The following HFM1 variants were observed in gnomAD, a reference collection of about 807,000 sequenced individuals.
HFM1 encodes the protein probable ATP-dependent DNA helicase HFM1.
Under a neutral mutation model 192.1 loss-of-function variants are expected in HFM1, and 169 were observed. The ratio of observed to expected loss-of-function variants is 0.88; its 90% CI spans 0.78 to 1.00. The LOEUF (loss-of-function observed/expected upper bound fraction) is 1.00, where lower values mean the gene tolerates loss of function less well. Ranked by LOEUF, HFM1 falls within the 50% of genes least tolerant of loss-of-function variation. The probability of loss-of-function intolerance (pLI) is 0.00; values close to 1 mark genes in which losing one functional copy is unlikely to be tolerated. For missense variants in HFM1, 1,661 were observed against 1,668.0 expected (o/e 1.00, Z 0.07); for synonymous variants, 525 against 537.8 (o/e 0.98, Z 0.33).
chr1:91,397,783 G>A (rs1261437429), intron 2 of HFM1, among the ~76,000 whole-genome samples: 2 of 152,168 alleles, frequency 1.3e-5, no homozygotes, highest in Non-Finnish European at 2.9e-5. Flanking sequence ...AGGAAAACCA[G>A]GCATGAGCTT....
chr1:91,310,464 A>C (rs1253475076), intron 30 of HFM1, among the ~76,000 whole-genome samples: 1 of 152,192 alleles, frequency 6.6e-6, no homozygotes, highest in Non-Finnish European at 1.5e-5. Context: ...TGCCTTAACA[A>C]ATCTGTTGAT....
At chr1:91,324,229 G>GTTCTCACTC (rs1187986193) in intron 21 of HFM1, among the ~76,000 whole-genome samples, 7 of 152,034 alleles carry the variant, frequency 4.6e-5, no homozygotes, top group African/African-American at 1.7e-4. Flanking sequence ...TGTTCTCACT[G>GTTCTCACTC]TTCTCACCCA....
intron 20 of HFM1, chr1:91,329,459 G>A: frequency 6.4e-7 from 1 of 1,569,398 alleles, no homozygotes; most frequent in Non-Finnish European, 8.7e-7. Flanking sequence ...CAGAATCAAA[G>A]GGATCCACTA....
intron 19 of HFM1, among the ~76,000 whole-genome samples, chr1:91,347,074 A>T (rs968398150): frequency 2.0e-5 from 3 of 152,166 alleles, no homozygotes; most frequent in African/African-American, 4.8e-5. Flanking sequence ...ACGCCACTGC[A>T]TTCCATCCTG....
intron 30 of HFM1, among the ~76,000 whole-genome samples, chr1:91,286,779 T>C (rs1668018380): frequency 2.0e-5 from 3 of 152,104 alleles, no homozygotes; most frequent in African/African-American, 7.2e-5. Context: ...TGCCAGACAG[T>C]GGGCACAGGT....
chr1:91,264,433 C>T (rs1220670280), intron 36 of HFM1, among the ~76,000 whole-genome samples: 32 of 114,298 alleles, frequency 2.8e-4, no homozygotes, highest in African/African-American at 9.5e-4. Flanking sequence ...AGTGCAGTGG[C>T]GCAATCTCGG....
At chr1:91,362,854 G>A (rs1658701403) in intron 13 of HFM1, among the ~76,000 whole-genome samples, 1 of 152,026 alleles carries the variant, frequency 6.6e-6, no homozygotes, top group Admixed American at 6.6e-5. Flanking sequence ...AAAGAATAGA[G>A]AACCCAGAAA....
chr1:91,358,816 C>T (rs1658085011), intron 13 of HFM1, among the ~76,000 whole-genome samples: 1 of 152,190 alleles, frequency 6.6e-6, no homozygotes, highest in South Asian at 2.1e-4. Context: ...CTGGGTGAGA[C>T]ATCCCAACTG....
At chr1:91,268,855 GA>G (rs942453330) in intron 34 of HFM1, among the ~76,000 whole-genome samples, 3 of 151,936 alleles carry the variant, frequency 2.0e-5, no homozygotes, top group African/African-American at 7.2e-5. Context: ...TATTTTTGTT[GA>G]CTCTAACAAG....
rs1570726596 is a variant in HFM1 at position 91,270,616 on chromosome 1, C to T, written c.3773-2761G>A. On this transcript the variant is annotated intron_variant, in intron 34 of 38. Transcript: ENST00000370425. The stretch of plus-strand genomic sequence containing the variant: ...AAAAAGAATCCTTTTGCAACATCAA[C>T]AGGAAGAAAAGCCCATGCAGTCTAA... 2.0e-5 allele frequency among the ~76,000 whole-genome samples: 3 copies of T among 147,358 alleles called. No homozygotes were observed. In the South Asian group the frequency reaches 6.6e-4, roughly 32 times the overall value.
chr1:91,359,564 A>T (rs1658233060), intron 13 of HFM1, among the ~76,000 whole-genome samples: 1 of 152,112 alleles, frequency 6.6e-6, no homozygotes, highest in African/African-American at 2.4e-5. Flanking sequence ...AAAAAAAAAA[A>T]AAAAGGAAGA....
At chr1:91,354,824 T>A (rs1225287879) in intron 13 of HFM1, among the ~76,000 whole-genome samples, 5 of 152,140 alleles carry the variant, frequency 3.3e-5, no homozygotes, top group Admixed American at 6.6e-5. Context: ...AGACCTGCCT[T>A]ATAAGAAATG....
At chr1:91,308,378 C>A (rs184377968) in intron 30 of HFM1, among the ~76,000 whole-genome samples, 90 of 152,248 alleles carry the variant, frequency 5.9e-4, no homozygotes, top group Non-Finnish European at 1.1e-3. Context: ...TAAGCCTACC[C>A]AACTAGCTCT....
At chr1:91,291,305 C>T (rs1275748598) in intron 30 of HFM1, among the ~76,000 whole-genome samples, 1 of 151,894 alleles carries the variant, frequency 6.6e-6, no homozygotes, top group East Asian at 1.9e-4. Context: ...AGACCGCTAG[C>T]AAGACTAATA....
chr1:91,306,410 A>G (rs1055026104), intron 30 of HFM1, among the ~76,000 whole-genome samples: 13 of 152,218 alleles, frequency 8.5e-5, no homozygotes, highest in African/African-American at 2.2e-4. Flanking sequence ...ATCATAAATG[A>G]GTACTGAATT....
chr1:91,329,125 T>A, intron 20 of HFM1: 1 of 1,609,996 alleles, frequency 6.2e-7, no homozygotes, highest in Non-Finnish European at 8.5e-7. Context: ...GTGGATCTAA[T>A]CCAGAAGCAC....
At chr1:91,369,194 AC>A (rs1457595111) in intron 13 of HFM1, among the ~76,000 whole-genome samples, 1 of 152,188 alleles carries the variant, frequency 6.6e-6, no homozygotes, top group Non-Finnish European at 1.5e-5. Context: ...GATCAACGAG[AC>A]AGAACATTAA....
chr1:91,385,665 C>G lies in HFM1; in HGVS notation c.664G>C (p.Ala222Pro). 1 of 1,611,832 alleles carries G rather than the reference C, an allele frequency of 6.2e-7. No homozygotes were observed. Among genetic ancestry groups the G allele is most frequent in the Non-Finnish European group, 8.5e-7 (1 of 1,178,022 alleles). The part of the protein sequence containing the change: ...KFQYSANVFT[A>P]NNAFSASEIG... ...TCAGAAGCAGAAAAAGCATTATTTG[C>G]TGTAAACACATTTGCAGAATACTGA... The change falls in exon 5 of 39, where the codon GCA becomes CCA. Residue 222 changes from alanine to proline, a missense_variant. Coordinates refer to ENST00000370425, the MANE Select transcript of HFM1 (RefSeq NM_001017975.6).
At chr1:91,273,875 A>G in intron 33 of HFM1, 60 bp from the exon 34 acceptor site, 1 of 912,180 alleles carries the variant, frequency 1.1e-6, no homozygotes, top group Non-Finnish European at 1.7e-6. Context: ...TCTAAGCCTG[A>G]AAACTATTTA....
Sources: gnomAD v4.1 joint callset for allele counts (sites outside exome capture counted in the v4.1 genomes callset) on GRCh38, gnomAD v4.1.1 for gene constraint, MANE v1.5 for transcripts, NCBI Gene and HGNC (gene_info 2026-07-23, HGNC 2026-07-21) for gene names.